CHSY3: variants seen among roughly 807,000 people sequenced by gnomAD.
CHSY3 encodes N-acetylgalactosaminyl-proteoglycan 3-beta-glucuronosyltransferase 3.
A neutral mutation model predicts 67.2 loss-of-function variants in CHSY3; 35 were observed. The observed-to-expected ratio is 0.52, with a 90% CI of 0.40 to 0.69. CHSY3 has a LOEUF of 0.69. Ranked by LOEUF, CHSY3 falls within the 30% of genes least tolerant of loss-of-function variation. The pLI is 0.00. For synonymous variants in CHSY3, 474 were observed against 434.7 expected (o/e 1.09, Z -1.12); for missense variants, 1,069 against 1,138.5 (o/e 0.94, Z 0.88).
intron 2 of CHSY3, among the ~76,000 whole-genome samples, chr5:130,039,158 T>C (rs557108082): frequency 8.5e-5 from 13 of 152,228 alleles, no homozygotes; most frequent in African/African-American, 3.1e-4. Context: ...ATTCCCTTTG[T>C]AGGACTTTAG....
chr5:130,110,179 ACTT>A (rs1767546574), intron 2 of CHSY3, among the ~76,000 whole-genome samples: 1 of 151,770 alleles, frequency 6.6e-6, no homozygotes, highest in Non-Finnish European at 1.5e-5. Context: ...TTTTGTAGTG[ACTT>A]CAGAAATGAG....
chr5:129,918,825 T>A (rs1033036648), intron 2 of CHSY3, among the ~76,000 whole-genome samples: 9 of 149,894 alleles, frequency 6.0e-5, no homozygotes, highest in African/African-American at 2.2e-4. Flanking sequence ...AAAAAAAAAT[T>A]GGCCGGGCGC....
intron 2 of CHSY3, among the ~76,000 whole-genome samples, chr5:129,970,728 AG>A (rs1340656845): frequency 6.6e-6 from 1 of 151,814 alleles, no homozygotes; most frequent in Non-Finnish European, 1.5e-5. Context: ...ATACTTATAA[AG>A]AAGATATGAC....
At chr5:129,912,207 T>C (rs1760585284) in intron 2 of CHSY3, among the ~76,000 whole-genome samples, 1 of 152,158 alleles carries the variant, frequency 6.6e-6, no homozygotes, top group African/African-American at 2.4e-5. Flanking sequence ...AAAATATTAC[T>C]TAACAAGTTA....
At chr5:130,135,093 A>G (rs1282840658) in intron 2 of CHSY3, among the ~76,000 whole-genome samples, 4 of 151,996 alleles carry the variant, frequency 2.6e-5, no homozygotes, top group African/African-American at 9.7e-5. Context: ...ACACATATAT[A>G]CGTGTCTATA....
intron 2 of CHSY3, among the ~76,000 whole-genome samples, chr5:130,017,894 C>A (rs1190750975): frequency 3.3e-5 from 5 of 152,016 alleles, no homozygotes; most frequent in Non-Finnish European, 7.4e-5. Flanking sequence ...GATGAGAAAA[C>A]CAACCATAAT....
chr5:129,904,839 C>A lies in CHSY3; in HGVS notation c.10C>A (p.Arg4Ser). The A allele has an allele frequency of 6.9e-7, 1 of 1,439,858 alleles. No individual in the cohort carries two copies. The highest frequency in any genetic ancestry group is 9.1e-7 in the Non-Finnish European group (1 of 1,093,760). 89.2% of individuals were successfully genotyped at this position (1,439,858 alleles called of 1,614,324 possible). Residue 4 changes from arginine to serine, a missense_variant, in exon 1 of 3, where the codon CGC (arginine) becomes AGC (serine). Transcript: ENST00000305031. ...GCCCGGGACAGCCGCGATGGCTGTG[C>A]GCTCTCGCCGCCCGTGGATGAGCGT... MAV[R>S]SRRPWMSVAL...
Position 130,143,722 on chromosome 5 carries a change from G to A in CHSY3, c.1087-40507G>A, listed in dbSNP as rs866446449. On this transcript the variant is annotated intron_variant, in intron 2 of 2. Coordinates refer to ENST00000305031, the MANE Select transcript of CHSY3 (RefSeq NM_175856.5). ...ATACCCATAGGGTATATATATATAT[G>A]TGTGTGTGTGTGTATATATATATAT... Among the ~76,000 whole-genome samples the A allele has an allele frequency of 9.1e-3, 902 of 98,976 alleles. 25 individuals carry two copies. Among genetic ancestry groups the A allele is most frequent in the African/African-American group, 0.034 (703 of 20,426 alleles). 64.9% of individuals were successfully genotyped at this position (98,976 alleles called of 152,430 possible). A position where few individuals can be genotyped will look rare whatever the true frequency, so the allele number is the denominator to read the frequency against.
At position 130,073,229 on chromosome 5, in the gene CHSY3, C is replaced by T. The variant is rs776313693; in HGVS notation, c.1087-111000C>T. Among the ~76,000 whole-genome samples, 36 of 151,970 alleles carry T rather than the reference C, an allele frequency of 2.4e-4. No individual in the cohort carries two copies. In the Middle Eastern group the frequency reaches 0.031, roughly 130 times the overall value. On this transcript the variant is annotated intron_variant, in intron 2 of 2. Transcript: ENST00000305031. ...TGATTCAGTCTTTTTACAATGTATA[C>T]ATAGATCAAAATGTCATATTATACC...
intron 2 of CHSY3, among the ~76,000 whole-genome samples, chr5:129,964,655 T>G (rs1244083962): frequency 6.6e-6 from 1 of 151,836 alleles, no homozygotes; most frequent in Non-Finnish European, 1.5e-5. Flanking sequence ...TCAGGGCAAT[T>G]TTCCCCCTGT....
rs1770423989 is a variant in CHSY3, at chr5:130,186,399, A to G, written c.*608A>G. 6.6e-6 allele frequency: 1 copy of G among 150,724 alleles called. No homozygotes were observed. 9.3% of individuals were successfully genotyped at this position (150,724 alleles called of 1,614,324 possible). A position where few individuals can be genotyped will look rare whatever the true frequency, so the allele number is the denominator to read the frequency against. ...ATTGAGGAGTTTTGTTCCACAAGCA[A>G]CCGGTACTGGCTACCCTGGTCTTAT... is the stretch of plus-strand genomic sequence containing the variant. On this transcript the variant is annotated 3_prime_UTR_variant, in exon 3 of 3. Transcript: ENST00000305031.
chr5:129,924,515 A>G (rs906547304), intron 2 of CHSY3, among the ~76,000 whole-genome samples: 1 of 151,788 alleles, frequency 6.6e-6, no homozygotes. Flanking sequence ...GCATGGTGGC[A>G]TGTGCCTGTA....
At chr5:129,907,713 A>G (rs2149574167) in intron 1 of CHSY3, among the ~76,000 whole-genome samples, 1 of 152,290 alleles carries the variant, frequency 6.6e-6, no homozygotes, top group African/African-American at 2.4e-5. Flanking sequence ...AACAATGCTA[A>G]ATACCAGTAT....
At chr5:130,049,531 G>A (rs1393185146) in intron 2 of CHSY3, among the ~76,000 whole-genome samples, 1 of 151,780 alleles carries the variant, frequency 6.6e-6, no homozygotes, top group Admixed American at 6.6e-5. Flanking sequence ...ACCCTAACTA[G>A]AATTTCAGGA....
intron 2 of CHSY3, among the ~76,000 whole-genome samples, chr5:130,151,371 G>A (rs1769227038): frequency 6.6e-6 from 1 of 152,122 alleles, no homozygotes; most frequent in African/African-American, 2.4e-5. Context: ...AGTTAGTGTG[G>A]GATAGAAGAT....
chr5:130,147,345 A>G (rs1003445254), intron 2 of CHSY3, among the ~76,000 whole-genome samples: 1 of 152,134 alleles, frequency 6.6e-6, no homozygotes, highest in African/African-American at 2.4e-5. Context: ...TATTTATTCC[A>G]GGTAGACAAT....
intron 2 of CHSY3, among the ~76,000 whole-genome samples, chr5:129,911,121 C>T (rs1451948569): frequency 1.3e-5 from 2 of 150,656 alleles, no homozygotes; most frequent in Non-Finnish European, 3.0e-5. Flanking sequence ...AAATGGTGAA[C>T]GTGCTTACAG....
intron 2 of CHSY3, among the ~76,000 whole-genome samples, chr5:130,009,839 T>C (rs190355636): frequency 6.6e-6 from 1 of 152,222 alleles, no homozygotes; most frequent in Admixed American, 6.5e-5. Context: ...GTAGCTGTTC[T>C]AATTTCAGAC....
chr5:130,137,518 C>T (rs80255706), intron 2 of CHSY3, among the ~76,000 whole-genome samples: 6,896 of 152,158 alleles, frequency 0.045, 429 homozygotes, highest in East Asian at 0.27. Context: ...AATATGAATG[C>T]GTGAATTTAA....
Sources: gnomAD v4.1 joint callset for allele counts (sites outside exome capture counted in the v4.1 genomes callset) on GRCh38, gnomAD v4.1.1 for gene constraint, MANE v1.5 for transcripts, NCBI Gene and HGNC (gene_info 2026-07-23, HGNC 2026-07-21) for gene names.